Variants in ESRRG observed in about 807,000 individuals in gnomAD.
ESRRG encodes estrogen related receptor gamma, also known as estrogen-related receptor gamma.
A neutral mutation model predicts 44.0 loss-of-function variants in ESRRG; 13 were observed. That is an observed-to-expected ratio of 0.30 (90% CI 0.19 to 0.47). The LOEUF is 0.47. ESRRG is among the 20% of genes least tolerant of loss of function. ESRRG has a pLI of 1.00. For missense variants in ESRRG, 395 were observed against 580.6 expected (o/e 0.68, Z 3.29); for synonymous variants, 215 against 214.6 (o/e 1.00, Z -0.02).
At chr1:216,696,348 G>C (rs2080157717) in intron 1 of ESRRG, among the ~76,000 whole-genome samples, 1 of 152,044 alleles carries the variant, frequency 6.6e-6, no homozygotes, top group Non-Finnish European at 1.5e-5. Flanking sequence ...GTCAACTGTA[G>C]ACATACGTAT....
chr1:216,833,584 T>C (rs1173604604), intron 2 of ESRRG, among the ~76,000 whole-genome samples: 1 of 152,192 alleles, frequency 6.6e-6, no homozygotes, highest in East Asian at 1.9e-4. Flanking sequence ...GTACCATCAT[T>C]TGTTGTTCTT....
intron 1 of ESRRG, chr1:217,000,215 C>T (rs910291904): frequency 6.6e-6 from 1 of 152,132 alleles, no homozygotes; most frequent in Non-Finnish European, 1.5e-5. Flanking sequence ...AATAAAGTAC[C>T]ACAAACCAGT....
At chr1:216,839,128 C>T (rs1205811678) in intron 2 of ESRRG, among the ~76,000 whole-genome samples, 2 of 152,202 alleles carry the variant, frequency 1.3e-5, no homozygotes, top group African/African-American at 4.8e-5. Flanking sequence ...ACTACTTTAT[C>T]AACTAAGTTT....
At chr1:216,612,141 A>G (rs181564599) in intron 3 of ESRRG, among the ~76,000 whole-genome samples, 102 of 152,290 alleles carry the variant, frequency 6.7e-4, no homozygotes, top group African/African-American at 2.4e-3. Flanking sequence ...TGAGAAAGGG[A>G]AATTATCTAT....
chr1:216,868,108 A>G (rs1577420393), intron 2 of ESRRG, among the ~76,000 whole-genome samples: 1 of 96,146 alleles, frequency 1.0e-5, no homozygotes. Flanking sequence ...TTTTTTTGAG[A>G]CAGAGTTTCA....
intron 5 of ESRRG, among the ~76,000 whole-genome samples, chr1:216,550,693 A>G (rs901091812): frequency 1.3e-5 from 2 of 152,182 alleles, no homozygotes; most frequent in African/African-American, 2.4e-5. Flanking sequence ...CTTGAGAAAA[A>G]CAATGGTTGT....
At chr1:217,066,257 T>TTTC (rs1312561809) in intron 1 of ESRRG, among the ~76,000 whole-genome samples, 3 of 81,384 alleles carry the variant, frequency 3.7e-5, no homozygotes, top group East Asian at 2.6e-4. Context: ...TTTCTTTTCT[T>TTTC]TTTTTTTTTT....
At chr1:217,124,453 C>T (rs534097730) in intron 1 of ESRRG, among the ~76,000 whole-genome samples, 1 of 152,252 alleles carries the variant, frequency 6.6e-6, no homozygotes, top group Admixed American at 6.5e-5. Context: ...AATAAAGCAA[C>T]ATATCTTTAA....
At position 216,716,961 on chromosome 1, in the gene ESRRG, C is replaced by A. The variant is rs34508698; in HGVS notation, c.56+6283G>T. Among the ~76,000 whole-genome samples the A allele has an allele frequency of 7.9e-3, 1,196 of 151,898 alleles. 7 individuals carry two copies. Among genetic ancestry groups the A allele is most frequent in the Admixed American group, 0.011 (163 of 15,248 alleles). ...GGAAGCCAATTTCTTTAAAACTGTACCTTTTCTTTCATTGTTTTGCCTCAG... is the reference window on the plus strand; with the variant it reads ...GGAAGCCAATTTCTTTAAAACTGTAACTTTTCTTTCATTGTTTTGCCTCAG... On this transcript the variant is annotated intron_variant, in intron 1 of 6. Coordinates refer to ENST00000408911, the MANE Select transcript of ESRRG (RefSeq NM_001438.4).
chr1:216,635,773 C>G (rs1040967105), intron 3 of ESRRG, among the ~76,000 whole-genome samples: 4 of 152,012 alleles, frequency 2.6e-5, no homozygotes, highest in African/African-American at 9.7e-5. Flanking sequence ...ACCTCTGACC[C>G]CAGCGAGACA....
chr1:216,754,699 G>T (rs1027066326), intron 2 of ESRRG, among the ~76,000 whole-genome samples: 1 of 126,928 alleles, frequency 7.9e-6, no homozygotes, highest in Non-Finnish European at 1.6e-5. Flanking sequence ...AAAAGAGAAA[G>T]AACTTTTTTT....
chr1:216,979,800 C>A (rs748119409), intron 1 of ESRRG, among the ~76,000 whole-genome samples: 4 of 152,060 alleles, frequency 2.6e-5, no homozygotes, highest in Non-Finnish European at 5.9e-5. Flanking sequence ...GGAAAACTGG[C>A]ACCAAGACAT....
chr1:216,515,404 C>G (rs1267649386), intron 6 of ESRRG, among the ~76,000 whole-genome samples: 2 of 151,978 alleles, frequency 1.3e-5, no homozygotes, highest in African/African-American at 2.4e-5. Context: ...CACACTAAGT[C>G]AAACCTATAT....
At chr1:216,597,612 G>A (rs2150095160) in intron 3 of ESRRG, among the ~76,000 whole-genome samples, 1 of 152,298 alleles carries the variant, frequency 6.6e-6, no homozygotes, top group East Asian at 1.9e-4. Context: ...TGTTGTCAGT[G>A]ACTATCATAT....
chr1:216,784,560 A>G (rs2094055171), intron 2 of ESRRG, among the ~76,000 whole-genome samples: 1 of 152,242 alleles, frequency 6.6e-6, no homozygotes, highest in East Asian at 1.9e-4. Context: ...AATTTATTCC[A>G]GATTACCTAT....
intron 3 of ESRRG, among the ~76,000 whole-genome samples, chr1:216,617,657 G>T (rs1392723067): frequency 6.6e-6 from 1 of 152,112 alleles, no homozygotes; most frequent in African/African-American, 2.4e-5. Context: ...TAACAGAAAT[G>T]CTAATCTCTT....
intron 1 of ESRRG, among the ~76,000 whole-genome samples, chr1:216,994,671 T>C (rs2076151517): frequency 6.6e-6 from 1 of 152,108 alleles, no homozygotes; most frequent in African/African-American, 2.4e-5. Flanking sequence ...AAGCTCCATC[T>C]CCAGGGTTCA....
intron 5 of ESRRG, among the ~76,000 whole-genome samples, chr1:216,559,134 T>C (rs2058202318): frequency 6.6e-6 from 1 of 152,114 alleles, no homozygotes; most frequent in Non-Finnish European, 1.5e-5. Context: ...CCTCCCAAAG[T>C]GTTGCAATTA....
intron 3 of ESRRG, among the ~76,000 whole-genome samples, chr1:216,641,667 A>C (rs1285930556): frequency 1.3e-5 from 2 of 152,260 alleles, no homozygotes; most frequent in Non-Finnish European, 2.9e-5. Context: ...GGATTTAAAT[A>C]AGATGTCATA....
Sources: allele counts gnomAD v4.1 joint callset (sites outside exome capture counted in the v4.1 genomes callset), GRCh38; gene constraint gnomAD v4.1.1; transcripts MANE v1.5; gene names NCBI Gene and HGNC (gene_info 2026-07-23, HGNC 2026-07-21).